Variants in STK3 observed in about 807,000 individuals in gnomAD.
STK3 encodes serine/threonine-protein kinase 3.
Under a neutral mutation model 58.0 loss-of-function variants are expected in STK3, and 41 were observed. The ratio of observed to expected loss-of-function variants is 0.71; its 90% CI spans 0.55 to 0.92. The LOEUF is 0.92. Ranked by LOEUF, STK3 falls within the 40% of genes least tolerant of loss-of-function variation. STK3 has a pLI of 0.00. For synonymous variants in STK3, 170 were observed against 191.0 expected (o/e 0.89, Z 0.91); for missense variants, 479 against 602.7 (o/e 0.79, Z 2.15).
chr8:98,580,959 A>C lies in STK3; in HGVS notation c.823-1170T>G, dbSNP rs183535059. Among the ~76,000 whole-genome samples, 568 of 152,360 alleles carry C rather than the reference A, an allele frequency of 3.7e-3. 1 individual carries two copies. The highest frequency in any genetic ancestry group is 0.013 in the African/African-American group (545 of 41,580). On this transcript the variant is annotated intron_variant, in intron 7 of 10. Transcript: ENST00000419617. ...TACTAAAATCAATTGTAAAGAACCA[A>C]TAAATTATTTTAGAACAGTTATAGA...
At chr8:98,592,192 G>A (rs1378433200) in intron 7 of STK3, among the ~76,000 whole-genome samples, 1 of 152,090 alleles carries the variant, frequency 6.6e-6, no homozygotes, top group Non-Finnish European at 1.5e-5. Context: ...TCTCATCCTA[G>A]GCATCAGAAT....
intron 1 of STK3, among the ~76,000 whole-genome samples, chr8:98,816,876 C>T (rs933382812): frequency 3.9e-5 from 6 of 152,104 alleles, no homozygotes; most frequent in African/African-American, 1.4e-4. Context: ...CCTACAGTAT[C>T]TAGCAATGCA....
At chr8:98,915,558 C>A (rs1228545018) in intron 1 of STK3, among the ~76,000 whole-genome samples, 1 of 149,112 alleles carries the variant, frequency 6.7e-6, no homozygotes, top group Non-Finnish European at 1.5e-5. Flanking sequence ...TTAATATACA[C>A]AAAAGTTTTT....
chr8:98,893,207 G>C (rs1465430907), intron 1 of STK3, among the ~76,000 whole-genome samples: 2 of 151,888 alleles, frequency 1.3e-5, no homozygotes, highest in East Asian at 3.9e-4. Context: ...TGGCCAAAAT[G>C]ATGAAACCCT....
chr8:98,918,599 G>A (rs1478065482), intron 1 of STK3, among the ~76,000 whole-genome samples: 5 of 151,806 alleles, frequency 3.3e-5, no homozygotes, highest in South Asian at 2.1e-4. Context: ...GCAAGACCCC[G>A]ACTCTACAAA....
In STK3 at chr8:98,526,821, T is replaced by A. The variant is rs577057842; in HGVS notation, c.1238A>T (p.Asn413Ile). The A allele has an allele frequency of 2.5e-6, 4 of 1,601,750 alleles. No homozygotes were observed. Among genetic ancestry groups the A allele is most frequent in the Non-Finnish European group, 3.4e-6 (4 of 1,172,228 alleles). ...GGACATAGGGAAGGGTTCATGCATG[T>A]TCTGATTACAGTTTTCGTGACTCTT... ...KNKSHENCNQ[N>I]MHEPFPMSKN... Residue 413 changes from asparagine (N) to isoleucine (I), a missense_variant, in exon 10 of 11, where the codon AAC becomes ATC. Asn to Ile is a moderately radical substitution (Grantham distance 149). Coordinates refer to ENST00000419617, the MANE Select transcript of STK3 (RefSeq NM_006281.4).
chr8:98,424,446 G>A (rs1393863792), intron 3 of STK3, among the ~76,000 whole-genome samples: 1 of 152,192 alleles, frequency 6.6e-6, no homozygotes, highest in African/African-American at 2.4e-5. Context: ...AGGAGGTCGG[G>A]TTGTTGGCAA....
chr8:98,841,613 C>A (rs902053551), intron 3 of STK3, among the ~76,000 whole-genome samples: 1 of 149,324 alleles, frequency 6.7e-6, no homozygotes, highest in Non-Finnish European at 1.5e-5. Flanking sequence ...ATTGTTTGAG[C>A]CCAGGGGTTG....
rs559352612 is a variant in STK3 at position 98,612,422 on chromosome 8, A to C, written c.685-16253T>G. ...ATACACACACACACATATGAATTCT[A>C]TATATACATATATATCAATTCTATA... is the stretch of plus-strand genomic sequence containing the variant. On this transcript the variant is annotated intron_variant, in intron 6 of 10. Coordinates refer to ENST00000419617, the MANE Select transcript of STK3 (RefSeq NM_006281.4). Among the ~76,000 whole-genome samples, 57 of 149,862 alleles carry C rather than the reference A, an allele frequency of 3.8e-4. 1 individual carries two copies. The highest frequency in any genetic ancestry group is 1.4e-3 in the African/African-American group (56 of 41,086).
chr8:98,883,401 A>T (rs1404293585), downstream of STK3: 1 of 401,560 alleles, frequency 2.5e-6, no homozygotes, highest in African/African-American at 2.0e-5. Context: ...CTGGCCTGCC[A>T]GAAGGAAAAT....
intron 1 of STK3, among the ~76,000 whole-genome samples, chr8:98,813,430 C>A (rs1042549560): frequency 7.9e-5 from 12 of 152,062 alleles, no homozygotes; most frequent in Admixed American, 7.9e-4. Context: ...TAATTATTGG[C>A]ACCATAAAGA....
At chr8:98,477,816 C>G (rs1037208872) in intron 10 of STK3, among the ~76,000 whole-genome samples, 1 of 146,452 alleles carries the variant, frequency 6.8e-6, no homozygotes, top group African/African-American at 2.5e-5. Flanking sequence ...AGTCTTGGCA[C>G]TAATGAACGT....
intron 10 of STK3, among the ~76,000 whole-genome samples, chr8:98,493,286 A>C (rs1212485414): frequency 6.6e-6 from 1 of 152,070 alleles, no homozygotes; most frequent in African/African-American, 2.4e-5. Flanking sequence ...AATATAAAAT[A>C]AAATAAAAAG....
the STK3 span, among the ~76,000 whole-genome samples, chr8:98,347,436 A>T: frequency 6.6e-6 from 1 of 151,398 alleles, no homozygotes; most frequent in African/African-American, 2.4e-5. Context: ...AATGGCGTGA[A>T]CCCAGGAGGC....
intron 3 of STK3, among the ~76,000 whole-genome samples, chr8:98,872,143 G>A (rs1452523290): frequency 2.0e-5 from 3 of 152,064 alleles, no homozygotes; most frequent in African/African-American, 7.2e-5. Context: ...GATGGATTAC[G>A]TTTATTGATT....
intron 3 of STK3, among the ~76,000 whole-genome samples, chr8:98,753,664 C>A (rs1830118205): frequency 6.6e-6 from 1 of 151,784 alleles, no homozygotes; most frequent in South Asian, 2.1e-4. Flanking sequence ...ATAAAAACAT[C>A]AGTCATCTAA....
chr8:98,803,286 C>T (rs542650618), intron 1 of STK3, among the ~76,000 whole-genome samples: 11 of 152,070 alleles, frequency 7.2e-5, no homozygotes, highest in South Asian at 4.2e-4. Context: ...AAACTGGCCA[C>T]GGCAATCAGA....
Position 98,927,062 on chromosome 8 carries a change from C to A in STK3, c.-79+15316G>T, listed in dbSNP as rs575071413. 2.6e-5 allele frequency among the ~76,000 whole-genome samples: 4 copies of A among 152,260 alleles called. No homozygotes were observed. The East Asian group carries it at 7.7e-4, about 29-fold the overall frequency. Reference sequence around the variant, plus strand: ...AGGAGTTCTAGGCAGGATAACCAAGCAGATCAAGCTAGAATCAAGATATCT... The same window carrying A: ...AGGAGTTCTAGGCAGGATAACCAAGAAGATCAAGCTAGAATCAAGATATCT... On this transcript the variant is annotated intron_variant, in intron 1 of 1. Coordinates refer to the STK3 transcript ENST00000519420.
At chr8:98,456,085 A>G in intron 10 of STK3, 85 bp from the exon 11 acceptor site, 6 of 1,294,234 alleles carry the variant, frequency 4.6e-6, no homozygotes, top group Non-Finnish European at 6.3e-6. Flanking sequence ...TTTAATGTCT[A>G]ATGAGTTTTA....
Sources: allele counts gnomAD v4.1 joint callset (sites outside exome capture counted in the v4.1 genomes callset), GRCh38; gene constraint gnomAD v4.1.1; transcripts MANE v1.5; gene names NCBI Gene and HGNC (gene_info 2026-07-23, HGNC 2026-07-21).